IL1RAPL1: variants seen among roughly 807,000 people sequenced by gnomAD.
IL1RAPL1 encodes interleukin 1 receptor accessory protein like 1.
IL1RAPL1 carries 3 observed loss-of-function variants against 48.4 expected under a neutral mutation model. The ratio of observed to expected loss-of-function variants is 0.06; its 90% CI spans 0.03 to 0.16. IL1RAPL1 has a LOEUF of 0.16. IL1RAPL1 is among the 10% of genes least tolerant of loss of function. The pLI, the probability that IL1RAPL1 is intolerant of heterozygous loss-of-function variation, is 1.00. For missense variants in IL1RAPL1, 349 were observed against 530.6 expected, an observed-to-expected ratio of 0.66 and a Z score of 3.36; for synonymous variants, 185 against 187.7, an observed-to-expected ratio of 0.99 and a Z score of 0.12.
chrX:29,936,370 C>T (rs975123614), intron 8 of IL1RAPL1, among the ~76,000 whole-genome samples: 1 of 111,152 alleles, frequency 9.0e-6, no homozygotes, highest in African/African-American at 3.3e-5. Context: ...ATTTTCCCCA[C>T]AAACTTGCAT....
intron 5 of IL1RAPL1, among the ~76,000 whole-genome samples, chrX:29,651,805 G>A (rs1232395326): frequency 9.0e-6 from 1 of 111,621 alleles, no homozygotes; most frequent in Non-Finnish European, 1.9e-5. Context: ...ACTACGTGAG[G>A]TAATGCACTT....
At chrX:29,068,651 G>A (rs1201996165) in intron 2 of IL1RAPL1, among the ~76,000 whole-genome samples, 2 of 112,535 alleles carry the variant, frequency 1.8e-5, no homozygotes, top group African/African-American at 6.5e-5. Flanking sequence ...AAAGTACTGT[G>A]TTGTTCAAGA....
chrX:29,566,200 A>T (rs994259667), intron 5 of IL1RAPL1, among the ~76,000 whole-genome samples: 6 of 111,793 alleles, frequency 5.4e-5, no homozygotes, highest in Non-Finnish European at 9.4e-5. Context: ...TGGCCTCCCA[A>T]AGTGCTGGGA....
At chrX:29,582,438 A>T (rs1923002962) in intron 5 of IL1RAPL1, among the ~76,000 whole-genome samples, 1 of 94,410 alleles carries the variant, frequency 1.1e-5, no homozygotes, top group African/African-American at 3.9e-5. Context: ...ACATGTGCAC[A>T]TTGTGCAGGT....
intron 6 of IL1RAPL1, among the ~76,000 whole-genome samples, chrX:29,896,454 G>A (rs1932385206): frequency 8.9e-6 from 1 of 112,137 alleles, no homozygotes; most frequent in Admixed American, 9.4e-5. Context: ...ATCCTATTAG[G>A]TGTGTGCATG....
At chrX:28,879,887 G>A (rs764223364) in intron 2 of IL1RAPL1, among the ~76,000 whole-genome samples, 1 of 111,744 alleles carries the variant, frequency 8.9e-6, no homozygotes, top group South Asian at 3.7e-4. Flanking sequence ...ATGAGAGACA[G>A]GAATGAACAG....
intron 2 of IL1RAPL1, among the ~76,000 whole-genome samples, chrX:29,253,113 G>A (rs35853002): frequency 0.51 from 55,713 of 109,699 alleles, 11,509 homozygotes; most frequent in Non-Finnish European, 0.65. Flanking sequence ...GAAATAACAT[G>A]TCTAAGATTA....
At chrX:28,956,152 A>T (rs990018016) in intron 2 of IL1RAPL1, among the ~76,000 whole-genome samples, 13 of 107,882 alleles carry the variant, frequency 1.2e-4, no homozygotes, top group African/African-American at 4.4e-4. Context: ...CAGCTTAAGG[A>T]GATTTTGGGC....
chrX:29,475,112 C>G (rs1396931069), intron 5 of IL1RAPL1, among the ~76,000 whole-genome samples: 1 of 112,308 alleles, frequency 8.9e-6, no homozygotes, highest in Non-Finnish European at 1.9e-5. Flanking sequence ...TTTATTCTTT[C>G]ATTTCTTAAT....
At chrX:29,369,967 T>A (rs1602199451) in intron 3 of IL1RAPL1, 1 of 112,129 alleles carries the variant, frequency 8.9e-6, no homozygotes, top group South Asian at 3.7e-4. Flanking sequence ...TCCTTTTTTA[T>A]TTAGAGTTTT....
intron 2 of IL1RAPL1, among the ~76,000 whole-genome samples, chrX:28,899,418 A>G (rs1376583076): frequency 8.9e-6 from 1 of 111,881 alleles, no homozygotes; most frequent in African/African-American, 3.3e-5. Context: ...TTGGCCTCCC[A>G]AAGTGCTGGG....
At chrX:29,722,661 C>T (rs1194443572) in intron 6 of IL1RAPL1, among the ~76,000 whole-genome samples, 1 of 111,517 alleles carries the variant, frequency 9.0e-6, no homozygotes, top group African/African-American at 3.3e-5. Context: ...CCATTCTTTT[C>T]GTGATTATTA....
At chrX:29,011,335 G>A (rs762062675) in intron 2 of IL1RAPL1, among the ~76,000 whole-genome samples, 45 of 112,412 alleles carry the variant, frequency 4.0e-4, no homozygotes, top group African/African-American at 1.4e-3. Flanking sequence ...AATGAACATA[G>A]CAGCTTTGTT....
chrX:29,340,867 C>T (rs1190694001), intron 3 of IL1RAPL1, among the ~76,000 whole-genome samples: 1 of 112,079 alleles, frequency 8.9e-6, no homozygotes, highest in Non-Finnish European at 1.9e-5. Flanking sequence ...CTTTAGCCTT[C>T]ATTCATGTGA....
chrX:29,945,937 T>TAGCATTTCCAATTCCACAACACTCCCC, intron 9 of IL1RAPL1, among the ~76,000 whole-genome samples: 1 of 111,049 alleles, frequency 9.0e-6, no homozygotes, highest in Non-Finnish European at 1.9e-5. Flanking sequence ...ATTCAGTCCT[T>TAGCATTTCCAATTCCACAACACTCCCC]AGCATTTCCA....
chrX:29,945,182 G>A (rs1007252373), intron 9 of IL1RAPL1, among the ~76,000 whole-genome samples: 1 of 111,535 alleles, frequency 9.0e-6, no homozygotes, highest in Non-Finnish European at 1.9e-5. Flanking sequence ...CATGCAGGCT[G>A]TAAACCTTAG....
At chrX:29,305,309 G>A (rs1932600718) in intron 3 of IL1RAPL1, among the ~76,000 whole-genome samples, 1 of 111,860 alleles carries the variant, frequency 8.9e-6, no homozygotes, top group Admixed American at 9.5e-5. Context: ...TAGACATGTA[G>A]CTTGAGTGAG....
chrX:29,118,346 A>G (rs907096178), intron 2 of IL1RAPL1, among the ~76,000 whole-genome samples: 4 of 111,789 alleles, frequency 3.6e-5, no homozygotes, highest in Admixed American at 1.9e-4. Context: ...GGTTATTCCT[A>G]TTTTACAGAA....
intron 1 of IL1RAPL1, among the ~76,000 whole-genome samples, chrX:28,620,612 G>A (rs989581711): frequency 9.0e-6 from 1 of 111,399 alleles, no homozygotes; most frequent in Non-Finnish European, 1.9e-5. Flanking sequence ...CTTTCACCAC[G>A]GATTTTGATG....
Sources: gnomAD v4.1 joint callset for allele counts (sites outside exome capture counted in the v4.1 genomes callset) on GRCh38, gnomAD v4.1.1 for gene constraint, MANE v1.5 for transcripts, NCBI Gene and HGNC (gene_info 2026-07-23, HGNC 2026-07-21) for gene names.